The following ARHGEF4 variants were observed in gnomAD, a reference collection of about 807,000 sequenced individuals.
ARHGEF4 encodes Rho guanine nucleotide exchange factor 4.
A neutral mutation model predicts 162.0 loss-of-function variants in ARHGEF4; 119 were observed. The ratio of observed to expected loss-of-function variants is 0.73; its 90% CI spans 0.63 to 0.86. ARHGEF4 has a LOEUF of 0.86. Among genes scored for constraint, ARHGEF4 ranks in the 40% least tolerant of loss-of-function variants. The pLI is 0.00. For synonymous variants in ARHGEF4, 1,014 were observed against 979.9 expected, an observed-to-expected ratio of 1.03 and a Z score of -0.65; for missense variants, 2,488 against 2,456.0, an observed-to-expected ratio of 1.01 and a Z score of -0.28.
At chr2:130,856,326 G>A (rs1404167597) in intron 1 of ARHGEF4, among the ~76,000 whole-genome samples, 6 of 152,090 alleles carry the variant, frequency 3.9e-5, no homozygotes, top group Non-Finnish European at 8.8e-5. Context: ...GAAAAAGAAT[G>A]AAGAAAAATG....
At chr2:130,964,163 T>C (rs1012151267) in intron 4 of ARHGEF4, 7 of 984,548 alleles carry the variant, frequency 7.1e-6, no homozygotes, top group Non-Finnish European at 6.0e-6. Flanking sequence ...AGCGGCGTGG[T>C]GTGTGGCGGC....
At chr2:131,003,818 T>A (rs74631871) in intron 4 of ARHGEF4, among the ~76,000 whole-genome samples, 3,627 of 152,322 alleles carry the variant, frequency 0.024, 151 homozygotes, top group African/African-American at 0.081. Flanking sequence ...AGATCAGTCT[T>A]CTGGGAAGTA....
intron 6 of ARHGEF4, 81 bp from the exon 7 acceptor site, chr2:131,039,935 C>G (rs1690639607): frequency 1.3e-6 from 2 of 1,502,580 alleles, no homozygotes; most frequent in Non-Finnish European, 1.8e-6. Flanking sequence ...CTCCGAGGCC[C>G]GGTTCCCGCC....
At chr2:130,870,046 A>T (rs1481680368) in intron 1 of ARHGEF4, among the ~76,000 whole-genome samples, 14 of 152,198 alleles carry the variant, frequency 9.2e-5, no homozygotes, top group Non-Finnish European at 2.1e-4. Flanking sequence ...GAAGAGGCTC[A>T]GCGTTTTGGG....
Position 130,926,048 on chromosome 2 carries a change from C to CTTTCTTTCTTTCTTTCTCTT in ARHGEF4, c.3553-4903_3553-4902insTTCTTTCTTTCTTTCTCTTT. Among the ~76,000 whole-genome samples, 64 of 53,438 alleles carry CTTTCTTTCTTTCTTTCTCTT rather than the reference C, an allele frequency of 1.2e-3. 1 individual carries two copies. The East Asian group carries it at 0.017, about 14-fold the overall frequency. The allele number at this position is 53,438 out of a possible 152,430, so 35.1% of individuals were successfully genotyped here. On this transcript the variant is annotated intron_variant, in intron 2 of 13. Coordinates refer to ENST00000409359, the MANE Select transcript of ARHGEF4 (RefSeq NM_001367493.1). ...TCTTTCTTTCTTTCTTTCTTTCTTT[C>CTTTCTTTCTTTCTTTCTCTT]TCTTTCTTTCTTTCTTTCTTTCTTT...
chr2:130,990,571 T>A (rs943556251), intron 4 of ARHGEF4, among the ~76,000 whole-genome samples: 1 of 152,076 alleles, frequency 6.6e-6, no homozygotes, highest in African/African-American at 2.4e-5. Flanking sequence ...CAACAAAAGT[T>A]ACCTTAAATG....
At position 130,915,269 on chromosome 2, in the gene ARHGEF4, C is replaced by T. The variant is rs1294188310; in HGVS notation, c.1323C>T (p.Cys441=). The change falls in exon 2 of 14, where the codon TGC becomes TGT. Residue 441 remains cysteine (C), a synonymous_variant. Coordinates refer to ENST00000409359, the MANE Select transcript of ARHGEF4 (RefSeq NM_001367493.1). ...CCAGGTCATGTCTGGTGGCTTCATG[C>T]CTCACCTCAGAGTTAGTGAAGCTCA... ...QDSRSCLVAS[C]LTSELVKLSA... 5 of 1,550,598 alleles carry T rather than the reference C, an allele frequency of 3.2e-6. No individual in the cohort carries two copies. The highest frequency in any genetic ancestry group is 4.4e-6 in the Non-Finnish European group (5 of 1,147,012).
In ARHGEF4 at chr2:131,045,249, G is replaced by C. The variant is rs1199596850; in HGVS notation, c.5402-120G>C. On this transcript the variant is annotated intron_variant, in intron 12 of 13. Transcript: ENST00000409359. ...AGAATGGGCAACAGTCCCCGCTGTGGCCAGTACTGAGTCCCCAGTACATGA... is the reference window on the plus strand; with the variant it reads ...AGAATGGGCAACAGTCCCCGCTGTGCCCAGTACTGAGTCCCCAGTACATGA... 5.3e-6 allele frequency: 5 copies of C among 950,200 alleles called. No homozygotes were observed. The Admixed American group carries it at 9.1e-5, about 17-fold the overall frequency. The allele number at this position is 950,200 out of a possible 1,614,324, so 58.9% of individuals were successfully genotyped here.
chr2:130,908,064 G>A (rs1303447680), intron 1 of ARHGEF4, among the ~76,000 whole-genome samples: 5 of 151,888 alleles, frequency 3.3e-5, no homozygotes, highest in Non-Finnish European at 7.4e-5. Flanking sequence ...TTAGTTTTAT[G>A]ATAAACTTCC....
chr2:130,916,494 C>T lies in ARHGEF4; in HGVS notation c.2548C>T (p.His850Tyr), dbSNP rs527890887. 9 of 1,547,522 alleles carry T rather than the reference C, an allele frequency of 5.8e-6. No homozygotes were observed. Among genetic ancestry groups the T allele is most frequent in the Non-Finnish European group, 7.8e-6 (9 of 1,146,666 alleles). Residue 850 changes from histidine (H) to tyrosine (Y), a missense_variant, in exon 2 of 14, where the codon CAC becomes TAC. His to Tyr is a moderately conservative substitution (Grantham distance 83, BLOSUM62 2). Coordinates refer to ENST00000409359, the MANE Select transcript of ARHGEF4 (RefSeq NM_001367493.1). ...AAGRDAPPLH[H>Y]GDASAWPEFV... ...CGGTCGGGACGCACCGCCTCTGCACCACGGGGACGCCAGCGCCTGGCCCGA... is the reference window on the plus strand; with the variant it reads ...CGGTCGGGACGCACCGCCTCTGCACTACGGGGACGCCAGCGCCTGGCCCGA...
At chr2:130,933,666 G>A (rs116803649) in intron 3 of ARHGEF4, among the ~76,000 whole-genome samples, 2,775 of 152,266 alleles carry the variant, frequency 0.018, 37 homozygotes, top group Non-Finnish European at 0.028. Flanking sequence ...TGTTTCCTAA[G>A]TATTTTGTTC....
At chr2:130,895,867 T>C (rs1480837218) in intron 1 of ARHGEF4, among the ~76,000 whole-genome samples, 2 of 152,162 alleles carry the variant, frequency 1.3e-5, no homozygotes, top group African/African-American at 4.8e-5. Context: ...TTTTTTCTTT[T>C]ATGGTTTGAG....
At chr2:131,014,050 T>A (rs1688631518) in intron 4 of ARHGEF4, among the ~76,000 whole-genome samples, 2 of 152,198 alleles carry the variant, frequency 1.3e-5, no homozygotes, top group African/African-American at 4.8e-5. Context: ...TAATGAAAAT[T>A]TTCATTAAAG....
chr2:130,936,925 G>A (rs1311363288), intron 3 of ARHGEF4, among the ~76,000 whole-genome samples: 2 of 53,436 alleles, frequency 3.7e-5, no homozygotes, highest in African/African-American at 1.7e-4. Flanking sequence ...TTTTTTTTTT[G>A]AGATGGAGTT....
chr2:130,893,293 T>C (rs1017143598), intron 1 of ARHGEF4, among the ~76,000 whole-genome samples: 2 of 152,184 alleles, frequency 1.3e-5, no homozygotes, highest in Non-Finnish European at 2.9e-5. Flanking sequence ...GGGAGTTCCC[T>C]GAAACTGTGT....
At chr2:130,930,324 T>C (rs1451986184) in intron 2 of ARHGEF4, among the ~76,000 whole-genome samples, 1 of 152,140 alleles carries the variant, frequency 6.6e-6, no homozygotes, top group African/African-American at 2.4e-5. Context: ...TTGGACAACA[T>C]GTGTGAAGAA....
intron 4 of ARHGEF4, among the ~76,000 whole-genome samples, chr2:130,965,831 G>A (rs1030781619): frequency 2.6e-5 from 4 of 152,166 alleles, no homozygotes; most frequent in South Asian, 2.1e-4. Context: ...ATAATTTTCC[G>A]AGATAACAGC....
At chr2:130,913,931 T>C (rs1009956689) in intron 1 of ARHGEF4, 55 bp from the exon 2 acceptor site, 110 of 1,529,370 alleles carry the variant, frequency 7.2e-5, no homozygotes, top group Non-Finnish European at 9.1e-5. Flanking sequence ...GGTGTAAACA[T>C]GTGCACAGAT....
intron 3 of ARHGEF4, among the ~76,000 whole-genome samples, chr2:130,941,718 C>G (rs1425053640): frequency 6.6e-6 from 1 of 152,294 alleles, no homozygotes; most frequent in East Asian, 1.9e-4. Context: ...TATTTACTCA[C>G]TGGAAGCGGG....
Sources: allele counts gnomAD v4.1 joint callset (sites outside exome capture counted in the v4.1 genomes callset), GRCh38; gene constraint gnomAD v4.1.1; transcripts MANE v1.5; gene names NCBI Gene and HGNC (gene_info 2026-07-23, HGNC 2026-07-21).